Variants in RBFOX1 observed in about 807,000 individuals in gnomAD.
The protein encoded by RBFOX1 is RNA binding protein fox-1 homolog 1.
A neutral mutation model predicts 57.7 loss-of-function variants in RBFOX1; 8 were observed. The observed-to-expected ratio is 0.14, with a 90% CI of 0.08 to 0.25. RBFOX1 has a LOEUF of 0.25. Ranked by LOEUF, RBFOX1 falls within the 10% of genes least tolerant of loss-of-function variation. The pLI is 1.00. For synonymous variants in RBFOX1, 326 were observed against 222.4 expected, an observed-to-expected ratio of 1.47 and a Z score of -4.15; for missense variants, 611 against 548.5, an observed-to-expected ratio of 1.11 and a Z score of -1.14.
chr16:7,281,007 C>T (rs1023676670), intron 4 of RBFOX1, among the ~76,000 whole-genome samples: 8 of 116,650 alleles, frequency 6.9e-5, no homozygotes, highest in Non-Finnish European at 1.0e-4. Context: ...TTCCTTCCTT[C>T]CTTCCTTCCT....
intron 3 of RBFOX1, among the ~76,000 whole-genome samples, chr16:6,818,718 G>A (rs112276772): frequency 1.3e-5 from 2 of 152,086 alleles, no homozygotes; most frequent in East Asian, 1.9e-4. Flanking sequence ...TCCACCCTCA[G>A]TCTGTGTCAT....
At chr16:5,270,358 C>G (rs1294116023) in intron 1 of RBFOX1, 1 of 1,144,286 alleles carries the variant, frequency 8.7e-7, no homozygotes, top group Non-Finnish European at 1.3e-6. Flanking sequence ...CTGATGGTCT[C>G]AAGGGTCTTG....
At chr16:6,895,673 A>AGT (rs2066721114) in intron 3 of RBFOX1, among the ~76,000 whole-genome samples, 1 of 151,726 alleles carries the variant, frequency 6.6e-6, no homozygotes, top group Admixed American at 6.6e-5. Flanking sequence ...AGGAGGCAAA[A>AGT]GTACCTGATG....
intron 2 of RBFOX1, among the ~76,000 whole-genome samples, chr16:5,590,069 A>ACC (rs901889191): frequency 6.6e-6 from 1 of 151,428 alleles, no homozygotes; most frequent in African/African-American, 2.4e-5. Flanking sequence ...ACACACACAC[A>ACC]CACACACAAA....
chr16:6,776,980 T>A (rs2079483090), intron 3 of RBFOX1, among the ~76,000 whole-genome samples: 1 of 152,186 alleles, frequency 6.6e-6, no homozygotes, highest in Admixed American at 6.5e-5. Flanking sequence ...TTTACGTGAT[T>A]TTGATGCAGT....
At chr16:7,491,869 A>G (rs149427223) in intron 4 of RBFOX1, among the ~76,000 whole-genome samples, 1 of 152,244 alleles carries the variant, frequency 6.6e-6, no homozygotes, top group East Asian at 1.9e-4. Flanking sequence ...ATTTTTAGTA[A>G]TTTACAACTT....
intron 1 of RBFOX1, among the ~76,000 whole-genome samples, chr16:6,141,933 C>T (rs1282717668): frequency 6.6e-6 from 1 of 151,684 alleles, no homozygotes; most frequent in East Asian, 2.0e-4. Context: ...GTGGCTCATG[C>T]CTGTAGTCCC....
chr16:5,837,245 T>A (rs538628624), intron 3 of RBFOX1, among the ~76,000 whole-genome samples: 1 of 150,786 alleles, frequency 6.6e-6, no homozygotes, highest in South Asian at 2.1e-4. Context: ...CCGCTAGACT[T>A]TTCTCAGTTT....
chr16:6,678,601 C>T (rs531424173), intron 3 of RBFOX1, among the ~76,000 whole-genome samples: 9 of 150,364 alleles, frequency 6.0e-5, no homozygotes, highest in Admixed American at 2.0e-4. Context: ...ATTTTGACAG[C>T]GGATTGCATA....
intron 3 of RBFOX1, among the ~76,000 whole-genome samples, chr16:5,611,715 C>CATCT (rs1322373322): frequency 6.9e-5 from 10 of 144,852 alleles, no homozygotes; most frequent in African/African-American, 2.5e-4. Context: ...CCCATCCATC[C>CATCT]ATCTATCCAT....
intron 3 of RBFOX1, among the ~76,000 whole-genome samples, chr16:6,698,845 C>T (rs770031773): frequency 6.6e-6 from 1 of 152,102 alleles, no homozygotes; most frequent in Non-Finnish European, 1.5e-5. Context: ...ATGTCCCCCA[C>T]CTTCTAGTTA....
At chr16:6,658,925 T>C (rs2098681143) in intron 3 of RBFOX1, among the ~76,000 whole-genome samples, 2 of 86,702 alleles carry the variant, frequency 2.3e-5, no homozygotes, top group South Asian at 6.5e-4. Flanking sequence ...TTTTTGTTTT[T>C]TGGTTTTTTT....
intron 3 of RBFOX1, among the ~76,000 whole-genome samples, chr16:6,677,259 C>T (rs1367092909): frequency 6.6e-6 from 1 of 152,186 alleles, no homozygotes; most frequent in African/African-American, 2.4e-5. Flanking sequence ...GATAATTTAG[C>T]TCCTGTTAGA....
intron 1 of RBFOX1, among the ~76,000 whole-genome samples, chr16:5,425,570 C>T (rs1441177913): frequency 6.6e-6 from 1 of 152,170 alleles, no homozygotes; most frequent in Non-Finnish European, 1.5e-5. Context: ...CATGTGACTC[C>T]CCTCCTTTCT....
chr16:6,719,639 G>T (rs191258293), intron 3 of RBFOX1, among the ~76,000 whole-genome samples: 1 of 151,388 alleles, frequency 6.6e-6, no homozygotes, highest in African/African-American at 2.4e-5. Context: ...GTAGAGATGG[G>T]GTTTCACCAT....
intron 3 of RBFOX1, among the ~76,000 whole-genome samples, chr16:6,713,215 A>G (rs2345485): frequency 0.72 from 109,052 of 151,864 alleles, 39,498 homozygotes; most frequent in Middle Eastern, 0.89. Context: ...GCCTAGAGCC[A>G]GGATAATCTT....
chr16:7,225,800 T>C (rs1163353466), intron 4 of RBFOX1, among the ~76,000 whole-genome samples: 1 of 148,144 alleles, frequency 6.8e-6, no homozygotes, highest in Non-Finnish European at 1.5e-5. Context: ...ATATACCTAA[T>C]GTAAATGACG....
At chr16:5,743,061 A>C (rs985934815) in intron 3 of RBFOX1, among the ~76,000 whole-genome samples, 1 of 152,150 alleles carries the variant, frequency 6.6e-6, no homozygotes, top group Non-Finnish European at 1.5e-5. Context: ...TTTTTCTCCA[A>C]GTGCTTTTCT....
chr16:5,544,568 G>A (rs2045104814), intron 2 of RBFOX1, among the ~76,000 whole-genome samples: 1 of 151,910 alleles, frequency 6.6e-6, no homozygotes, highest in Admixed American at 6.6e-5. Flanking sequence ...ATGAAAAACA[G>A]AAAAACAATA....
Sources: allele counts gnomAD v4.1 joint callset (sites outside exome capture counted in the v4.1 genomes callset), GRCh38; gene constraint gnomAD v4.1.1; transcripts MANE v1.5; gene names NCBI Gene and HGNC (gene_info 2026-07-23, HGNC 2026-07-21).